The following SEPTIN7 variants were observed in gnomAD, a reference collection of about 807,000 sequenced individuals.
The protein encoded by SEPTIN7 is septin 7.
In SEPTIN7, 10 loss-of-function variants were observed where a neutral mutation model predicts 63.3. That is an observed-to-expected ratio of 0.16 (90% CI 0.10 to 0.27). The LOEUF (loss-of-function observed/expected upper bound fraction) is 0.27, where lower values mean the gene tolerates loss of function less well. SEPTIN7 is among the 10% of genes least tolerant of loss of function. SEPTIN7 has a pLI of 1.00. For synonymous variants in SEPTIN7, 131 were observed against 165.3 expected (o/e 0.79, Z 1.59); for missense variants, 310 against 521.0 (o/e 0.59, Z 3.94).
downstream of SEPTIN7, among the ~76,000 whole-genome samples, chr7:35,911,215 G>A (rs563893947): frequency 3.9e-5 from 6 of 152,290 alleles, no homozygotes; most frequent in Admixed American, 6.5e-5. Context: ...CTATGATAGC[G>A]GTAATCACCA....
chr7:35,915,258 C>CACAT, the SEPTIN7 span, among the ~76,000 whole-genome samples: 2 of 151,336 alleles, frequency 1.3e-5, no homozygotes, highest in Admixed American at 6.6e-5. Context: ...CGCTCATACA[C>CACAT]ATATATATAT....
intron 4 of SEPTIN7, among the ~76,000 whole-genome samples, chr7:35,868,729 TGA>T (rs1302810491): frequency 6.6e-6 from 1 of 152,018 alleles, no homozygotes; most frequent in African/African-American, 2.4e-5. Context: ...CTCTAAGAAA[TGA>T]GAGATTGACG....
At chr7:35,902,041 A>C (rs1788355222) in intron 12 of SEPTIN7, 1 of 149,846 alleles carries the variant, frequency 6.7e-6, no homozygotes, top group African/African-American at 2.4e-5. Flanking sequence ...AACATATATA[A>C]TATGTATATA....
intron 1 of SEPTIN7, among the ~76,000 whole-genome samples, chr7:35,812,852 C>T (rs900956309): frequency 6.6e-6 from 1 of 152,156 alleles, no homozygotes; most frequent in South Asian, 2.1e-4. Flanking sequence ...ATAGTATTGG[C>T]TTCTAGAGCT....
At chr7:35,897,943 ATTTTC>A (rs1007713999) in intron 11 of SEPTIN7, among the ~76,000 whole-genome samples, 3 of 151,558 alleles carry the variant, frequency 2.0e-5, no homozygotes, top group Admixed American at 6.6e-5. Context: ...AAATTAAATT[ATTTTC>A]TTCTAATGTT....
intron 1 of SEPTIN7, among the ~76,000 whole-genome samples, chr7:35,825,183 T>G (rs1207005803): frequency 6.6e-6 from 1 of 152,192 alleles, no homozygotes; most frequent in Non-Finnish European, 1.5e-5. Flanking sequence ...TGACTCTGCA[T>G]GTGAATTCAT....
chr7:35,863,468 C>G, intron 3 of SEPTIN7, 84 bp from the exon 4 acceptor site: 1 of 739,872 alleles, frequency 1.4e-6, no homozygotes, highest in South Asian at 1.8e-5. Flanking sequence ...TTGCATAAGG[C>G]AAGTTTGATT....
At chr7:35,862,681 A>G (rs986250377) in intron 3 of SEPTIN7, among the ~76,000 whole-genome samples, 1 of 152,164 alleles carries the variant, frequency 6.6e-6, no homozygotes, top group Admixed American at 6.5e-5. Flanking sequence ...CCTCCTAGAC[A>G]TAAAAATATT....
At chr7:35,829,547 A>G (rs1483273598) in intron 1 of SEPTIN7, among the ~76,000 whole-genome samples, 1 of 152,208 alleles carries the variant, frequency 6.6e-6, no homozygotes, top group East Asian at 1.9e-4. Context: ...AATAAGAGAC[A>G]AGGGCAGACC....
chr7:35,808,222 C>A (rs1215730661), intron 1 of SEPTIN7, among the ~76,000 whole-genome samples: 1 of 152,058 alleles, frequency 6.6e-6, no homozygotes, highest in African/African-American at 2.4e-5. Context: ...TTACTTCTAC[C>A]CCCAAGTCAC....
At position 35,905,261 on chromosome 7, in the gene SEPTIN7, T is replaced by C. The variant is rs565044994; in HGVS notation, c.*968T>C. ...TCATATATTGCATTTCTGTATTTTT[T>C]GTTTGTATTGTAAAAAATTCACATA... On this transcript the variant is annotated 3_prime_UTR_variant, in exon 14 of 14. Coordinates refer to ENST00000350320, the MANE Select transcript of SEPTIN7 (RefSeq NM_001788.6). 1 of 152,786 alleles carries C rather than the reference T, an allele frequency of 6.5e-6. No homozygotes were observed. Among genetic ancestry groups the C allele is most frequent in the Non-Finnish European group, 1.5e-5 (1 of 68,028 alleles). The allele number at this position is 152,786 out of a possible 1,614,324, so 9.5% of individuals were successfully genotyped here. A position where few individuals can be genotyped will look rare whatever the true frequency, so the allele number is the denominator to read the frequency against.
intron 1 of SEPTIN7, among the ~76,000 whole-genome samples, chr7:35,830,422 A>G (rs1198529030): frequency 6.6e-6 from 1 of 152,144 alleles, no homozygotes; most frequent in African/African-American, 2.4e-5. Flanking sequence ...GAGCTTTAAA[A>G]AATACTGATG....
the SEPTIN7 span, among the ~76,000 whole-genome samples, chr7:35,913,603 C>T: frequency 4.1e-5 from 6 of 146,564 alleles, no homozygotes; most frequent in East Asian, 2.0e-4. Context: ...TTCCTTCCTT[C>T]TTTCCTTCCT....
chr7:35,833,124 G>GT (rs1783911783), intron 3 of SEPTIN7, among the ~76,000 whole-genome samples: 1 of 151,976 alleles, frequency 6.6e-6, no homozygotes, highest in African/African-American at 2.4e-5. Context: ...GAAATGGTGG[G>GT]TGATAGTGTT....
chr7:35,895,043 T>G (rs1466526878), intron 11 of SEPTIN7, among the ~76,000 whole-genome samples: 1 of 152,188 alleles, frequency 6.6e-6, no homozygotes, highest in Non-Finnish European at 1.5e-5. Flanking sequence ...CTTGTTTTAC[T>G]AGGCTTTCTT....
intron 12 of SEPTIN7, 192 bp from the exon 13 acceptor site, chr7:35,902,884 C>A: frequency 1.4e-6 from 1 of 719,494 alleles, no homozygotes; most frequent in Non-Finnish European, 2.0e-6. Context: ...TCTTGGGTCA[C>A]TGGCCTTTTG....
At chr7:35,853,716 A>C (rs1433207479) in intron 3 of SEPTIN7, among the ~76,000 whole-genome samples, 1 of 152,238 alleles carries the variant, frequency 6.6e-6, no homozygotes, top group Non-Finnish European at 1.5e-5. Flanking sequence ...TTATTGAATA[A>C]AAATATTAAG....
intron 1 of SEPTIN7, among the ~76,000 whole-genome samples, chr7:35,811,657 C>T (rs930232541): frequency 2.6e-5 from 4 of 152,088 alleles, no homozygotes; most frequent in African/African-American, 7.2e-5. Context: ...GAGGTCGAGG[C>T]GGGCTGATCA....
At chr7:35,832,605 G>T in intron 2 of SEPTIN7, 193 bp from the exon 3 acceptor site, 1 of 490,050 alleles carries the variant, frequency 2.0e-6, no homozygotes, top group East Asian at 4.0e-5. Flanking sequence ...CCATTATATT[G>T]TCAGTCAACT....
Sources: gnomAD v4.1 joint callset for allele counts (sites outside exome capture counted in the v4.1 genomes callset) on GRCh38, gnomAD v4.1.1 for gene constraint, MANE v1.5 for transcripts, NCBI Gene and HGNC (gene_info 2026-07-23, HGNC 2026-07-21) for gene names.